The following CACNA2D3 variants were observed in gnomAD, a reference collection of about 807,000 sequenced individuals.
The protein encoded by CACNA2D3 is calcium voltage-gated channel auxiliary subunit alpha2delta 3.
In CACNA2D3, 60 loss-of-function variants were observed where a neutral mutation model predicts 160.6. The observed-to-expected ratio is 0.37, with a 90% CI of 0.30 to 0.46. The LOEUF (loss-of-function observed/expected upper bound fraction) is 0.46. Ranked by LOEUF, CACNA2D3 falls within the 20% of genes least tolerant of loss-of-function variation. The pLI, the probability that CACNA2D3 is intolerant of heterozygous loss-of-function variation, is 1.00. For missense variants in CACNA2D3, 1,205 were observed against 1,365.0 expected, an observed-to-expected ratio of 0.88 and a Z score of 1.85; for synonymous variants, 558 against 492.9, an observed-to-expected ratio of 1.13 and a Z score of -1.75.
intron 9 of CACNA2D3, among the ~76,000 whole-genome samples, chr3:54,621,656 C>G (rs1698989749): frequency 6.6e-6 from 1 of 152,180 alleles, no homozygotes; most frequent in Admixed American, 6.5e-5. Context: ...GTCTCCCTGA[C>G]TTGGGCGATC....
chr3:54,964,057 C>T (rs911616942), intron 27 of CACNA2D3, among the ~76,000 whole-genome samples: 1 of 152,112 alleles, frequency 6.6e-6, no homozygotes, highest in Non-Finnish European at 1.5e-5. Context: ...GGATTCTGGG[C>T]TCTTTGAGAT....
intron 1 of CACNA2D3, among the ~76,000 whole-genome samples, chr3:54,123,130 T>A (rs578029632): frequency 6.6e-6 from 1 of 150,514 alleles, no homozygotes; most frequent in East Asian, 2.0e-4. Context: ...TTCCCCCCTC[T>A]TTGCTCTACT....
chr3:54,670,690 T>C (rs1000611266), intron 11 of CACNA2D3, among the ~76,000 whole-genome samples: 7 of 152,232 alleles, frequency 4.6e-5, no homozygotes, highest in African/African-American at 1.7e-4. Flanking sequence ...TTTCTTCCTG[T>C]GATAGGTCTT....
chr3:55,034,945 A>G (rs930759679), intron 35 of CACNA2D3, among the ~76,000 whole-genome samples: 3 of 152,158 alleles, frequency 2.0e-5, no homozygotes, highest in African/African-American at 7.2e-5. Context: ...TCTCAGTAAG[A>G]GTTACAAAGT....
chr3:54,896,270 G>T (rs1402577695), intron 25 of CACNA2D3, among the ~76,000 whole-genome samples: 2 of 152,202 alleles, frequency 1.3e-5, no homozygotes, highest in Non-Finnish European at 2.9e-5. Flanking sequence ...AGATCTCAGT[G>T]TGGGCTCACA....
At chr3:54,183,934 TCCTTTCATTTGAAGCAAAGTGGAATTA>T (rs1700833001) in intron 2 of CACNA2D3, among the ~76,000 whole-genome samples, 1 of 148,848 alleles carries the variant, frequency 6.7e-6, no homozygotes, top group African/African-American at 2.5e-5. Context: ...GAGCCTTACT[TCCTTTCATTTGAAGCAAAGTGGAATTA>T]CCTTGACTGT....
intron 2 of CACNA2D3, among the ~76,000 whole-genome samples, chr3:54,232,786 TTTAAA>T (rs975412186): frequency 6.6e-6 from 1 of 152,232 alleles, no homozygotes; most frequent in African/African-American, 2.4e-5. Flanking sequence ...AGTTACAGAC[TTTAAA>T]TTATGCGATT....
chr3:54,856,966 A>T (rs1699185608), intron 17 of CACNA2D3, among the ~76,000 whole-genome samples: 1 of 152,128 alleles, frequency 6.6e-6, no homozygotes, highest in Non-Finnish European at 1.5e-5. Flanking sequence ...GTTTTAGTAG[A>T]AACAGGGTTT....
intron 13 of CACNA2D3, among the ~76,000 whole-genome samples, chr3:54,800,734 A>AC (rs1702966237): frequency 1.3e-5 from 2 of 152,190 alleles, no homozygotes; most frequent in Non-Finnish European, 2.9e-5. Flanking sequence ...GCAGGGCTGT[A>AC]CTACTAGAAC....
At chr3:55,002,272 C>T (rs1252266757) in intron 31 of CACNA2D3, among the ~76,000 whole-genome samples, 1 of 152,176 alleles carries the variant, frequency 6.6e-6, no homozygotes, top group African/African-American at 2.4e-5. Flanking sequence ...TTCCTCTCAA[C>T]CCCATGCTGC....
At chr3:55,027,710 A>G (rs1364292238) in intron 35 of CACNA2D3, among the ~76,000 whole-genome samples, 1 of 152,028 alleles carries the variant, frequency 6.6e-6, no homozygotes, top group Non-Finnish European at 1.5e-5. Context: ...TGCGCTGGAA[A>G]TTGAGTTTGG....
At chr3:54,476,951 T>C (rs1700841096) in intron 4 of CACNA2D3, among the ~76,000 whole-genome samples, 1 of 152,212 alleles carries the variant, frequency 6.6e-6, no homozygotes, top group African/African-American at 2.4e-5. Context: ...GTTCCATATC[T>C]GGTTGTAAAG....
At chr3:54,636,562 C>A (rs573380141) in intron 10 of CACNA2D3, among the ~76,000 whole-genome samples, 1 of 151,934 alleles carries the variant, frequency 6.6e-6, no homozygotes, top group Admixed American at 6.5e-5. Context: ...ATTAAAGCAG[C>A]GGCAGCCTCT....
chr3:54,677,626 G>C (rs974591068), intron 11 of CACNA2D3, among the ~76,000 whole-genome samples: 1 of 148,544 alleles, frequency 6.7e-6, no homozygotes, highest in Non-Finnish European at 1.5e-5. Flanking sequence ...TTTTTGGGGG[G>C]GGGGCAACGT....
chr3:54,774,983 A>G (rs62254482), intron 13 of CACNA2D3, among the ~76,000 whole-genome samples: 94 of 152,268 alleles, frequency 6.2e-4, no homozygotes, highest in Non-Finnish European at 1.1e-3. Flanking sequence ...ATCTCTCTAC[A>G]TGGTGCCAAA....
intron 6 of CACNA2D3, among the ~76,000 whole-genome samples, chr3:54,563,420 C>T (rs1157593525): frequency 3.3e-5 from 5 of 152,262 alleles, no homozygotes; most frequent in East Asian, 1.9e-4. Flanking sequence ...ATGGCCCAGG[C>T]GTCGCTGACG....
At chr3:54,471,773 C>T (rs1023019770) in intron 4 of CACNA2D3, among the ~76,000 whole-genome samples, 4 of 152,114 alleles carry the variant, frequency 2.6e-5, no homozygotes, top group Non-Finnish European at 5.9e-5. Context: ...TTATAAACAC[C>T]TCTACACAAA....
intron 35 of CACNA2D3, among the ~76,000 whole-genome samples, chr3:55,050,048 T>C (rs1038626597): frequency 5.3e-5 from 8 of 151,628 alleles, no homozygotes; most frequent in Non-Finnish European, 8.8e-5. Flanking sequence ...GGGTCTTGAC[T>C]CTTTATCCAA....
chr3:54,711,900 C>T (rs908794555), intron 11 of CACNA2D3, among the ~76,000 whole-genome samples: 4 of 152,166 alleles, frequency 2.6e-5, no homozygotes, highest in African/African-American at 4.8e-5. Context: ...TTGTCTTCCT[C>T]CCCTCCCTCC....
Sources: allele counts gnomAD v4.1 joint callset (sites outside exome capture counted in the v4.1 genomes callset), GRCh38; gene constraint gnomAD v4.1.1; transcripts MANE v1.5; gene names NCBI Gene and HGNC (gene_info 2026-07-23, HGNC 2026-07-21).